Variants in ETS2 observed in about 807,000 individuals in gnomAD.
ETS2 encodes the protein ETS proto-oncogene 2, transcription factor, also known as protein C-ets-2.
ETS2 carries 19 observed loss-of-function variants against 54.9 expected under a neutral mutation model. That is an observed-to-expected ratio of 0.35 (90% CI 0.24 to 0.51). The LOEUF (loss-of-function observed/expected upper bound fraction) is 0.51. Among genes scored for constraint, ETS2 ranks in the 20% least tolerant of loss-of-function variants. ETS2 has a pLI of 0.97. For missense variants in ETS2, 417 were observed against 593.0 expected, an observed-to-expected ratio of 0.70 and a Z score of 3.08; for synonymous variants, 219 against 229.3, an observed-to-expected ratio of 0.95 and a Z score of 0.41.
chr21:38,806,109 C>T lies in ETS2; in HGVS notation c.-12C>T. ...GTCCCGACCAAGCGCCGGCCCTGCCCGCAGCGGCAGGGTAAGAGCTGGGCC... is the reference window on the plus strand; with the variant it reads ...GTCCCGACCAAGCGCCGGCCCTGCCTGCAGCGGCAGGGTAAGAGCTGGGCC... On this transcript the variant is annotated 5_prime_UTR_variant, in exon 1 of 10. Coordinates refer to ENST00000360938, the MANE Select transcript of ETS2 (RefSeq NM_005239.6). This position sits in a 1 kb window ranked among gnomAD's most constrained non-coding sequence, Gnocchi z 4.3. The T allele has an allele frequency of 9.4e-7, 1 of 1,058,206 alleles. No homozygotes were observed. Among genetic ancestry groups the T allele is most frequent in the Non-Finnish European group, 1.1e-6 (1 of 875,504 alleles). 65.6% of individuals were successfully genotyped at this position (1,058,206 alleles called of 1,614,324 possible). A position where few individuals can be genotyped will look rare whatever the true frequency, so the allele number is the denominator to read the frequency against.
chr21:38,806,650 C>T lies in ETS2; in HGVS notation c.-1+530C>T. The T allele has an allele frequency of 5.1e-6, 5 of 984,994 alleles. No individual in the cohort carries two copies. Among genetic ancestry groups the T allele is most frequent in the Non-Finnish European group, 6.0e-6 (5 of 829,854 alleles). 61.0% of individuals were successfully genotyped at this position (984,994 alleles called of 1,614,324 possible). Reference sequence around the variant, plus strand: ...AAGGCTGCGGCACCGCGGGAACCTGCGGGGCGCGGGGTGCCATGGTCACCT... The same window carrying T: ...AAGGCTGCGGCACCGCGGGAACCTGTGGGGCGCGGGGTGCCATGGTCACCT... On this transcript the variant is annotated intron_variant, in intron 1 of 9. Transcript: ENST00000360938. This position sits in a 1 kb window ranked among gnomAD's most constrained non-coding sequence, Gnocchi z 4.3.
chr21:38,813,077 G>A lies in ETS2; in HGVS notation c.147G>A (p.Leu49=), dbSNP rs1378401527. The A allele has an allele frequency of 1.2e-6, 2 of 1,613,598 alleles. No individual in the cohort carries two copies. The highest frequency in any genetic ancestry group is 1.3e-5 in the African/African-American group (1 of 74,902). Reference sequence around the variant, plus strand: ...CTTCTCTAAATGAAGAGCAAACACTGCAAGAAGTGCCAACAGGCTTGGATT... The same window carrying A: ...CTTCTCTAAATGAAGAGCAAACACTACAAGAAGTGCCAACAGGCTTGGATT... ...VFPSLNEEQT[L]QEVPTGLDSI... Residue 49 remains leucine (L), a synonymous_variant, in exon 3 of 10, where the codon CTG becomes CTA. Transcript: ENST00000360938.
intron 6 of ETS2, among the ~76,000 whole-genome samples, chr21:38,817,615 A>G (rs527525858): frequency 6.6e-6 from 1 of 152,354 alleles, no homozygotes; most frequent in South Asian, 2.1e-4. Context: ...CGGCAGGCAC[A>G]GAGTGCGTGA....
chr21:38,805,289 T>C (rs1346230571), upstream of ETS2: 6 of 1,205,450 alleles, frequency 5.0e-6, no homozygotes, highest in Non-Finnish European at 6.4e-6. This position sits in a 1 kb window ranked among gnomAD's most constrained non-coding sequence, Gnocchi z 5.2. Context: ...AGCGCCTCAT[T>C]TGGAGCCTTT....
chr21:38,808,253 G>T lies in ETS2; in HGVS notation c.1-1782G>T, dbSNP rs1265542834. Among the ~76,000 whole-genome samples the T allele has an allele frequency of 2.4e-4, 36 of 152,216 alleles. 1 individual carries two copies. The highest frequency in any genetic ancestry group is 1.5e-5 in the Non-Finnish European group (1 of 68,044). ...CGTCTGCCTCTCAGGGATGCAGGAA[G>T]ATTCAATTAGGTAGGAGTGGATGGT... On this transcript the variant is annotated intron_variant, in intron 1 of 9. Transcript: ENST00000360938.
rs714781 is a variant in ETS2, at chr21:38,806,457, C to T, written c.-1+337C>T. ...TCGCTTTTGTTTTTAAAAGGAAACG[C>T]AGGCCTGGTAGGGGGTCCTGCCCAG... On this transcript the variant is annotated intron_variant, in intron 1 of 9. Transcript: ENST00000360938. This position sits in a 1 kb window ranked among gnomAD's most constrained non-coding sequence, Gnocchi z 4.3. 0.32 allele frequency: 316,154 copies of T among 985,226 alleles called. 53,150 individuals are homozygous for T. Among genetic ancestry groups the T allele is most frequent in the East Asian group, 0.46 (3,998 of 8,760 alleles). 61.0% of individuals were successfully genotyped at this position (985,226 alleles called of 1,614,324 possible).
chr21:38,817,033 A>G lies in ETS2; in HGVS notation c.531A>G (p.Gln177=). 2 of 1,612,568 alleles carry G rather than the reference A, an allele frequency of 1.2e-6. No individual in the cohort carries two copies. The highest frequency in any genetic ancestry group is 1.1e-5 in the South Asian group (1 of 91,034). Residue 177 remains glutamine, a synonymous_variant, in exon 6 of 10, where the codon CAA becomes CAG. Transcript: ENST00000360938. ...AAAACCAAGAAAAGACAGAAGATCA[A>G]TATGAAGAAAATTCACACCTCACCT... ...IKENQEKTED[Q]YEENSHLTSV...
chr21:38,812,564 C>T (rs1021788819), intron 2 of ETS2, among the ~76,000 whole-genome samples: 4 of 152,268 alleles, frequency 2.6e-5, no homozygotes, highest in South Asian at 2.1e-4. Flanking sequence ...GTGGATTACA[C>T]GAGGTCAGGA....
In ETS2 at chr21:38,819,572, A is replaced by G; in HGVS notation, c.881A>G (p.Gln294Arg). ...DSFESSDSLLQSWNSQSSLLD... is the reference protein window; with the variant it reads ...DSFESSDSLLRSWNSQSSLLD... ...TTCGAGAGCTCAGACTCCCTCCTCC[A>G]GTCCTGGAACAGCCAGTCGTCCTTG... Residue 294 changes from glutamine to arginine, a missense_variant, in exon 8 of 10, where the codon CAG (glutamine) becomes CGG (arginine). Gln to Arg is a conservative substitution (Grantham distance 43). Around this residue, in one of 3 missense-constraint regions of ETS2, gnomAD observed 326 missense variants for 426.1 expected, o/e 0.76. Transcript: ENST00000360938. 3 of 1,614,188 alleles carry G rather than the reference A, an allele frequency of 1.9e-6. No homozygotes were observed. The highest frequency in any genetic ancestry group is 2.5e-6 in the Non-Finnish European group (3 of 1,180,018).
rs569333457 is a variant in ETS2, at chr21:38,806,028, GCGCCCT to G, written c.-81_-76del. On this transcript the variant is annotated 5_prime_UTR_variant, in exon 1 of 10. Coordinates refer to ENST00000360938, the MANE Select transcript of ETS2 (RefSeq NM_005239.6). This position sits in a 1 kb window ranked among gnomAD's most constrained non-coding sequence, Gnocchi z 4.3. ...CGGCCTCCCTGATCGTCTCTGGCCG[GCGCCCT>G]CGCCCTCGCCCGGCGCGCACCGAGC... The G allele has an allele frequency of 2.5e-5, 31 of 1,230,234 alleles. No homozygotes were observed. In the East Asian group the frequency reaches 2.3e-3, roughly 93 times the overall value. 76.2% of individuals were successfully genotyped at this position (1,230,234 alleles called of 1,614,324 possible).
chr21:38,809,754 C>G, intron 1 of ETS2: 1 of 300,504 alleles, frequency 3.3e-6, no homozygotes, highest in South Asian at 3.8e-5. Flanking sequence ...TCTGACCAGC[C>G]AGCCAGCAAG....
chr21:38,815,324 G>A (rs1033408007), intron 5 of ETS2, among the ~76,000 whole-genome samples: 3 of 152,054 alleles, frequency 2.0e-5, no homozygotes, highest in Non-Finnish European at 2.9e-5. Context: ...GAATTCCCAC[G>A]TCTTCTGAGC....
Position 38,819,763 on chromosome 21 carries a change from A to G in ETS2, c.1072A>G (p.Thr358Ala), listed in dbSNP as rs746447739. Residue 358 changes from threonine (T) to alanine (A), a missense_variant, in exon 8 of 10, where the codon ACA becomes GCA. Thr to Ala is a moderately conservative substitution (Grantham distance 58). This residue lies in a region of ETS2 where 60 missense variants were observed against 134.1 expected (regional missense o/e 0.45). Coordinates refer to ENST00000360938, the MANE Select transcript of ETS2 (RefSeq NM_005239.6). ...VIPAAVLAGF[T>A]GSGPIQLWQF... ...ACCTGCAGCTGTGCTGGCCGGCTTCACAGGTGTGTGTGGAACTCCGAGAGC... is the reference window on the plus strand; with the variant it reads ...ACCTGCAGCTGTGCTGGCCGGCTTCGCAGGTGTGTGTGGAACTCCGAGAGC... 1 of 1,612,414 alleles carries G rather than the reference A, an allele frequency of 6.2e-7. No individual in the cohort carries two copies. Among genetic ancestry groups the G allele is most frequent in the East Asian group, 2.2e-5 (1 of 44,856 alleles).
chr21:38,822,545 G>T, intron 9 of ETS2, 129 bp from the exon 10 acceptor site: 1 of 758,872 alleles, frequency 1.3e-6, no homozygotes. Flanking sequence ...TCCTCCTGCG[G>T]ACCTTGTGTA....
At chr21:38,813,730 G>A (rs912146207) in intron 3 of ETS2, among the ~76,000 whole-genome samples, 3 of 152,212 alleles carry the variant, frequency 2.0e-5, no homozygotes, top group South Asian at 2.1e-4. Context: ...TAATTAAAAC[G>A]CATACACTGG....
At chr21:38,811,751 T>C (rs1158023832) in intron 2 of ETS2, among the ~76,000 whole-genome samples, 1 of 152,268 alleles carries the variant, frequency 6.6e-6, no homozygotes, top group Admixed American at 6.5e-5. Flanking sequence ...GTGTCTCTTC[T>C]TTTCTGCAGA....
intron 7 of ETS2, 74 bp downstream of exon 7, chr21:38,818,720 A>T: frequency 2.6e-6 from 4 of 1,517,410 alleles, no homozygotes; most frequent in Non-Finnish European, 3.6e-6. Flanking sequence ...TGAACCTCTT[A>T]ATAAATACTT....
intron 8 of ETS2, 117 bp downstream of exon 8, chr21:38,819,883 C>A: frequency 2.1e-6 from 2 of 945,686 alleles, no homozygotes; most frequent in South Asian, 1.7e-5. Context: ...TACACCAGTG[C>A]TCTACACTCC....
At position 38,810,112 on chromosome 21, in the gene ETS2, T is replaced by C. The variant is rs1370984183; in HGVS notation, c.72+6T>C. On this transcript the variant is annotated splice_donor_region_variant and intron_variant, in intron 2 of 9. Coordinates refer to ENST00000360938, the MANE Select transcript of ETS2 (RefSeq NM_005239.6). ...GTTACAGAGGGACACTCAAGGTGAG[T>C]GGGCAAGTCTTAATTTTTTTTTTTA... 1.3e-6 allele frequency: 2 copies of C among 1,500,876 alleles called. No homozygotes were observed. Among genetic ancestry groups the C allele is most frequent in the African/African-American group, 2.9e-5 (2 of 68,132 alleles). 93.0% of individuals were successfully genotyped at this position (1,500,876 alleles called of 1,614,324 possible).
Sources: gnomAD v4.1 joint callset for allele counts (sites outside exome capture counted in the v4.1 genomes callset) on GRCh38, gnomAD v4.1.1 for gene constraint, gnomAD v4.1.1 regional missense constraint, Gnocchi (gnomAD v3.1) non-coding constraint, MANE v1.5 for transcripts, NCBI Gene and HGNC (gene_info 2026-07-23, HGNC 2026-07-21) for gene names.